HTR6: variants seen among roughly 807,000 people sequenced by gnomAD.
HTR6 encodes the protein 5-hydroxytryptamine receptor 6.
A neutral mutation model predicts 17.4 loss-of-function variants in HTR6; 15 were observed. That is an observed-to-expected ratio of 0.86 (90% confidence interval 0.58 to 1.33). HTR6 has a LOEUF of 1.33. HTR6 is among the 40% of genes most tolerant of loss of function. HTR6 has a pLI of 0.00. For synonymous variants in HTR6, 326 were observed against 295.5 expected (o/e 1.10, Z -1.06); for missense variants, 578 against 616.0 (o/e 0.94, Z 0.65).
At chr1:19,671,559 G>A (rs974802471) in intron 1 of HTR6, among the ~76,000 whole-genome samples, 1 of 152,190 alleles carries the variant, frequency 6.6e-6, no homozygotes, top group Non-Finnish European at 1.5e-5. Context: ...TGGCCTGGAG[G>A]TGGAGGCCCC....
Position 19,678,993 on chromosome 1 carries a change from C to A in HTR6, c.948C>A (p.Asn316Lys), listed in dbSNP as rs1028546545. 3 of 1,614,170 alleles carry A rather than the reference C, an allele frequency of 1.9e-6. No individual in the cohort carries two copies. The highest frequency in any genetic ancestry group is 1.7e-6 in the Non-Finnish European group (2 of 1,180,012). The part of the protein sequence containing the change: ...TWLGYCNSTM[N>K]PIIYPLFMRD... Reference sequence around the variant, plus strand: ...TGGGTTACTGTAACAGCACCATGAACCCCATCATCTACCCACTCTTCATGC... The same window carrying A: ...TGGGTTACTGTAACAGCACCATGAAACCCATCATCTACCCACTCTTCATGC... Residue 316 changes from asparagine (N) to lysine (K), a missense_variant, in exon 3 of 3, where the codon AAC (asparagine) becomes AAA (lysine). By Grantham distance (94) the Asn-to-Lys change is moderately conservative (BLOSUM62 0). Transcript: ENST00000289753.
At position 19,666,955 on chromosome 1, in the gene HTR6, T is replaced by C. The variant is rs569860279; in HGVS notation, c.714+488T>C. 2.6e-5 allele frequency among the ~76,000 whole-genome samples: 4 copies of C among 152,204 alleles called. No individual in the cohort carries two copies. Among genetic ancestry groups the C allele is most frequent in the South Asian group, 2.1e-4 (1 of 4,810 alleles). On this transcript the variant is annotated intron_variant, in intron 1 of 2. Transcript: ENST00000289753. This position sits in a 1 kb window ranked among gnomAD's most constrained non-coding sequence, Gnocchi z 4.5. ...GACCCAGTACTCTCCATCTTCTGCATAGAAGCTGGAGCACTTAAAAAAGAA... is the reference window on the plus strand; with the variant it reads ...GACCCAGTACTCTCCATCTTCTGCACAGAAGCTGGAGCACTTAAAAAAGAA...
chr1:19,680,730 G>A lies in HTR6; in HGVS notation c.*1362G>A, dbSNP rs1394963731. 1.3e-5 allele frequency among the ~76,000 whole-genome samples: 2 copies of A among 152,102 alleles called. No homozygotes were observed. The highest frequency in any genetic ancestry group is 2.9e-5 in the Non-Finnish European group (2 of 68,022). ...TGGTTTCTGGGGGCAGGGGGTTGGG[G>A]AACTCTTGGTCGCCAGTTTACCTGC... On this transcript the variant is annotated 3_prime_UTR_variant, in exon 3 of 3. Transcript: ENST00000289753.
rs1001990661 is a variant in HTR6 at position 19,666,882 on chromosome 1, A to G, written c.714+415A>G. ...GGTGCCATCTCCCCTGCCACTTCCT[A>G]CCGGGGAGGCTGTGTAGACTTCTCC... On this transcript the variant is annotated intron_variant, in intron 1 of 2. Transcript: ENST00000289753. The surrounding 1 kb of genome is among the most constrained non-coding windows in gnomAD (Gnocchi z 4.5). Among the ~76,000 whole-genome samples the G allele has an allele frequency of 6.6e-6, 1 of 151,736 alleles. No individual in the cohort carries two copies. The highest frequency in any genetic ancestry group is 1.5e-5 in the Non-Finnish European group (1 of 67,948).
chr1:19,679,635 A>G lies in HTR6; in HGVS notation c.*267A>G. Reference sequence around the variant, plus strand: ...CAGAGGATGGGCTGGAGGACTCTGGATGTTGGGGAGAAGGACCTCTTGGTT... The same window carrying G: ...CAGAGGATGGGCTGGAGGACTCTGGGTGTTGGGGAGAAGGACCTCTTGGTT... On this transcript the variant is annotated 3_prime_UTR_variant, in exon 3 of 3. Transcript: ENST00000289753. The surrounding 1 kb of genome is among the most constrained non-coding windows in gnomAD (Gnocchi z 4.9). The G allele has an allele frequency of 4.3e-6, 2 of 460,100 alleles. No homozygotes were observed. Among genetic ancestry groups the G allele is most frequent in the Non-Finnish European group, 7.6e-6 (2 of 264,188 alleles). The allele number at this position is 460,100 out of a possible 1,614,324, so 28.5% of individuals were successfully genotyped here. A position where few individuals can be genotyped will look rare whatever the true frequency, so the allele number is the denominator to read the frequency against.
chr1:19,665,957 C>G lies in HTR6; in HGVS notation c.204C>G (p.Leu68=), dbSNP rs2100466538. 2 of 1,613,950 alleles carry G rather than the reference C, an allele frequency of 1.2e-6. No individual in the cohort carries two copies. Among genetic ancestry groups the G allele is most frequent in the Non-Finnish European group, 1.7e-6 (2 of 1,179,906 alleles). The change falls in exon 1 of 3, where the codon CTC becomes CTG. Residue 68 remains leucine (L), a synonymous_variant. Coordinates refer to ENST00000289753, the MANE Select transcript of HTR6 (RefSeq NM_000871.3). The surrounding 1 kb of genome is among the most constrained non-coding windows in gnomAD (Gnocchi z 4.2). ...RNTSNFFLVS[L]FTSDLMVGLV... ...CGTCCAACTTCTTCCTGGTGTCGCT[C>G]TTCACGTCTGACCTGATGGTGGGGC...
intron 1 of HTR6, among the ~76,000 whole-genome samples, chr1:19,676,174 T>C (rs1200200290): frequency 1.3e-5 from 2 of 152,300 alleles, no homozygotes; most frequent in African/African-American, 2.4e-5. Context: ...ACCAGGTATT[T>C]AGCACCTACT....
Position 19,678,632 on chromosome 1 carries a change from C to T in HTR6, c.780C>T (p.Ser260=), listed in dbSNP as rs2095097260. 2 of 1,613,584 alleles carry T rather than the reference C, an allele frequency of 1.2e-6. No homozygotes were observed. The highest frequency in any genetic ancestry group is 2.2e-5 in the South Asian group (2 of 91,060). ...ADSRRLATKH[S]RKALKASLTL... is the part of the protein sequence containing the mutation. Reference sequence around the variant, plus strand: ...GCAGGCGTCTAGCCACGAAGCACAGCAGGAAGGCCCTGAAGGCCAGCCTGA... The same window carrying T: ...GCAGGCGTCTAGCCACGAAGCACAGTAGGAAGGCCCTGAAGGCCAGCCTGA... The change falls in exon 2 of 3, where the codon AGC becomes AGT. Residue 260 remains serine (S), a synonymous_variant. Transcript: ENST00000289753.
rs1557431104 is a variant in HTR6 at position 19,679,160 on chromosome 1, T to TGACCCTGCCGCC, written c.1116_1117insACCCTGCCGCCG (p.Leu372_Pro373insThrLeuProPro). ...CTTAGCCTACAGCAGGTGCTGCCGC[T>TGACCCTGCCGCC]GCCCCTGCCGCCGGACTCAGATTCG... On this transcript the variant is annotated inframe_insertion, in exon 3 of 3. Coordinates refer to ENST00000289753, the MANE Select transcript of HTR6 (RefSeq NM_000871.3). This position sits in a 1 kb window ranked among gnomAD's most constrained non-coding sequence, Gnocchi z 4.9. The TGACCCTGCCGCC allele has an allele frequency of 6.2e-7, 1 of 1,600,798 alleles. No individual in the cohort carries two copies. Among genetic ancestry groups the TGACCCTGCCGCC allele is most frequent in the Non-Finnish European group, 8.5e-7 (1 of 1,175,656 alleles).
intron 1 of HTR6, among the ~76,000 whole-genome samples, chr1:19,667,887 T>G (rs1394709959): frequency 6.6e-6 from 1 of 152,244 alleles, no homozygotes; most frequent in African/African-American, 2.4e-5. Flanking sequence ...CCAGCTGGGC[T>G]CTTTTGGTGT....
In HTR6 at chr1:19,679,429, T is replaced by C. The variant is rs2100479294; in HGVS notation, c.*61T>C. The C allele has an allele frequency of 6.8e-7, 1 of 1,476,058 alleles. No individual in the cohort carries two copies. The highest frequency in any genetic ancestry group is 9.0e-7 in the Non-Finnish European group (1 of 1,111,466). 91.4% of individuals were successfully genotyped at this position (1,476,058 alleles called of 1,614,324 possible). ...GAGCAGAACCCAGACCCTGAGTCCT[T>C]GGGCCAGCTCTTGGCTAAGACCAGG... is the stretch of plus-strand genomic sequence containing the variant. On this transcript the variant is annotated 3_prime_UTR_variant, in exon 3 of 3. Coordinates refer to ENST00000289753, the MANE Select transcript of HTR6 (RefSeq NM_000871.3). This position sits in a 1 kb window ranked among gnomAD's most constrained non-coding sequence, Gnocchi z 4.9.
intron 1 of HTR6, among the ~76,000 whole-genome samples, chr1:19,673,612 C>A (rs957968587): frequency 6.6e-6 from 1 of 152,166 alleles, no homozygotes; most frequent in African/African-American, 2.4e-5. Context: ...GCAGGAGAAT[C>A]GCTTGAACCC....
In HTR6 at chr1:19,665,097, C is replaced by T. The variant is rs1370047888; in HGVS notation, c.-657C>T. Among the ~76,000 whole-genome samples, 2 of 151,710 alleles carry T rather than the reference C, an allele frequency of 1.3e-5. No homozygotes were observed. The highest frequency in any genetic ancestry group is 2.4e-5 in the African/African-American group (1 of 41,386). ...CGGGTGGGGAGGGGGCGCCGCGCGG[C>T]CGCTGCCCTCCTCTTCCCGCGGGGC... On this transcript the variant is annotated 5_prime_UTR_variant, in exon 1 of 3. Coordinates refer to ENST00000289753, the MANE Select transcript of HTR6 (RefSeq NM_000871.3). The surrounding 1 kb of genome is among the most constrained non-coding windows in gnomAD (Gnocchi z 4.2).
In HTR6 at chr1:19,678,562, C is replaced by G; in HGVS notation, c.715-5C>G. ...AACGGACTCATGTGGCCTTCCTTTCCGCAGGTGCCCAGGACCCCACGCCCA... is the reference window on the plus strand; with the variant it reads ...AACGGACTCATGTGGCCTTCCTTTCGGCAGGTGCCCAGGACCCCACGCCCA... On this transcript the variant is annotated splice_polypyrimidine_tract_variant and splice_region_variant and intron_variant, in intron 1 of 2. Transcript: ENST00000289753. The G allele has an allele frequency of 6.2e-7, 1 of 1,612,276 alleles. No individual in the cohort carries two copies. Among genetic ancestry groups the G allele is most frequent in the Non-Finnish European group, 8.5e-7 (1 of 1,179,904 alleles).
intron 1 of HTR6, among the ~76,000 whole-genome samples, chr1:19,671,341 G>A (rs114731365): frequency 0.012 from 1,798 of 152,202 alleles, 21 homozygotes; most frequent in South Asian, 0.031. Context: ...TAATCCCCCC[G>A]CTTTCTGGAA....
intron 1 of HTR6, among the ~76,000 whole-genome samples, chr1:19,670,736 T>C (rs1306424272): frequency 6.6e-6 from 1 of 152,184 alleles, no homozygotes; most frequent in African/African-American, 2.4e-5. Context: ...AGTGCTAGGA[T>C]TACAGGCGTG....
intron 1 of HTR6, among the ~76,000 whole-genome samples, chr1:19,672,413 A>AGAGGAG (rs762598881): frequency 6.6e-6 from 1 of 150,820 alleles, no homozygotes; most frequent in African/African-American, 2.4e-5. Context: ...CCTCCTCCTC[A>AGAGGAG]GAGGAGGAGG....
chr1:19,667,367 C>T (rs1484211775), intron 1 of HTR6, among the ~76,000 whole-genome samples: 1 of 152,062 alleles, frequency 6.6e-6, no homozygotes, highest in Non-Finnish European at 1.5e-5. Context: ...ATATAAGCTC[C>T]AGGAGGGTCA....
In HTR6 at chr1:19,666,592, C is replaced by T. The variant is rs573976313; in HGVS notation, c.714+125C>T. The T allele has an allele frequency of 1.4e-6, 1 of 698,000 alleles. No homozygotes were observed. Among genetic ancestry groups the T allele is most frequent in the African/African-American group, 1.8e-5 (1 of 55,494 alleles). 43.2% of individuals were successfully genotyped at this position (698,000 alleles called of 1,614,324 possible). ...TGGCCCTGCGTGGCTGTTGTGAGCG[C>T]CCACCTTTCTTCTGAACTCCAGAGC... is the stretch of plus-strand genomic sequence containing the variant. On this transcript the variant is annotated intron_variant, in intron 1 of 2. Coordinates refer to ENST00000289753, the MANE Select transcript of HTR6 (RefSeq NM_000871.3). The surrounding 1 kb of genome is among the most constrained non-coding windows in gnomAD (Gnocchi z 4.5).
Sources: gnomAD v4.1 joint callset for allele counts (sites outside exome capture counted in the v4.1 genomes callset) on GRCh38, gnomAD v4.1.1 for gene constraint, Gnocchi (gnomAD v3.1) non-coding constraint, MANE v1.5 for transcripts, NCBI Gene and HGNC (gene_info 2026-07-23, HGNC 2026-07-21) for gene names.